Variants in MLXIP observed in about 807,000 individuals in gnomAD.
MLXIP encodes the protein MLX interacting protein.
A neutral mutation model predicts 87.2 loss-of-function variants in MLXIP; 30 were observed. The observed-to-expected ratio is 0.34, with a 90% CI of 0.26 to 0.47. The LOEUF (loss-of-function observed/expected upper bound fraction) is 0.47, where lower values mean the gene tolerates loss of function less well. Among genes scored for constraint, MLXIP ranks in the 20% least tolerant of loss-of-function variants. The probability of loss-of-function intolerance (pLI) is 1.00; values close to 1 mark genes in which losing one functional copy is unlikely to be tolerated. For missense variants in MLXIP, 1,002 were observed against 1,240.1 expected, an observed-to-expected ratio of 0.81 and a Z score of 2.88; for synonymous variants, 530 against 514.0, an observed-to-expected ratio of 1.03 and a Z score of -0.42.
At position 122,141,164 on chromosome 12, in the gene MLXIP, CAGACT is replaced by C; in HGVS notation, c.2638+82_2638+86del. On this transcript the variant is annotated intron_variant, in intron 16 of 16. Transcript: ENST00000319080. ...GCCCCAGGCTGAGGACAGTATTAGCCAGACTCCACTGCAGGCAGCCAGGTGGGGCC... is the reference window on the plus strand; with the variant it reads ...GCCCCAGGCTGAGGACAGTATTAGCCCCACTGCAGGCAGCCAGGTGGGGCC... 7 of 1,494,542 alleles carry C rather than the reference CAGACT, an allele frequency of 4.7e-6. No individual in the cohort carries two copies. The South Asian group carries it at 8.9e-5, about 19-fold the overall frequency. The allele number at this position is 1,494,542 out of a possible 1,614,324, so 92.6% of individuals were successfully genotyped here. A position where few individuals can be genotyped will look rare whatever the true frequency, so the allele number is the denominator to read the frequency against.
chr12:122,087,722 C>T (rs1201902374), intron 1 of MLXIP, among the ~76,000 whole-genome samples: 1 of 151,994 alleles, frequency 6.6e-6, no homozygotes, highest in Non-Finnish European at 1.5e-5. Flanking sequence ...CTCCACAGGG[C>T]GGCTGGGGCC....
In MLXIP at chr12:122,127,869, C is replaced by G; in HGVS notation, c.521-14C>G. The stretch of plus-strand genomic sequence containing the variant: ...CTGGATCATGGTGCTGACTCTCACC[C>G]TCTCTCTGCTCAGATCTGGAGAAGC... On this transcript the variant is annotated splice_polypyrimidine_tract_variant and intron_variant, in intron 2 of 16. Transcript: ENST00000319080. 1 of 1,612,316 alleles carries G rather than the reference C, an allele frequency of 6.2e-7. No individual in the cohort carries two copies. Among genetic ancestry groups the G allele is most frequent in the Non-Finnish European group, 8.5e-7 (1 of 1,178,494 alleles).
At chr12:122,094,389 GTGT>G (rs1335420592) in intron 1 of MLXIP, among the ~76,000 whole-genome samples, 5,009 of 142,294 alleles carry the variant, frequency 0.035, 117 homozygotes, top group Non-Finnish European at 0.052. Context: ...TGTCTGTGTG[GTGT>G]TGGTGTGTGG....
Position 122,135,603 on chromosome 12 carries a change from C to T in MLXIP, c.1969C>T (p.Leu657=). The change falls in exon 11 of 17, where the codon CTG becomes TTG. Residue 657 remains leucine (L), a synonymous_variant. Coordinates refer to ENST00000319080, the MANE Select transcript of MLXIP (RefSeq NM_014938.6). This position sits in a 1 kb window ranked among gnomAD's most constrained non-coding sequence, Gnocchi z 5.3. ...CTTCCCAAGCACAGCGCAAGACCCC[C>T]TGGGGAAGGGCGAGCAGGTCCCGCT... ...RLFPSTAQDP[L]GKGEQVPLHG... is the part of the protein sequence containing the mutation. 6.3e-7 allele frequency: 1 copy of T among 1,581,166 alleles called. No individual in the cohort carries two copies. The highest frequency in any genetic ancestry group is 2.3e-5 in the East Asian group (1 of 43,494).
At chr12:122,086,983 G>A (rs1012686416) in intron 1 of MLXIP, among the ~76,000 whole-genome samples, 1 of 152,170 alleles carries the variant, frequency 6.6e-6, no homozygotes, top group South Asian at 2.1e-4. Context: ...GCCCCTGGGA[G>A]CTTCTGGATC....
At chr12:122,095,830 A>G (rs1355483595) in intron 1 of MLXIP, among the ~76,000 whole-genome samples, 2 of 151,498 alleles carry the variant, frequency 1.3e-5, no homozygotes, top group African/African-American at 4.8e-5. Context: ...TATTTTTTGC[A>G]TGGTGAGTAT....
chr12:122,108,761 A>G lies in MLXIP; in HGVS notation c.414-18495A>G, dbSNP rs530763148. On this transcript the variant is annotated intron_variant, in intron 1 of 16. Coordinates refer to ENST00000319080, the MANE Select transcript of MLXIP (RefSeq NM_014938.6). ...ACATCAGGGACTTCGGTTTTGAGAA[A>G]TGAGTGCCCATCACTGTCTAGGCAG... is the stretch of plus-strand genomic sequence containing the variant. Among the ~76,000 whole-genome samples, 7 of 152,246 alleles carry G rather than the reference A, an allele frequency of 4.6e-5. No individual in the cohort carries two copies. In the South Asian group the frequency reaches 8.3e-4, roughly 18 times the overall value.
intron 1 of MLXIP, among the ~76,000 whole-genome samples, chr12:122,098,778 T>G (rs974000171): frequency 7.2e-5 from 11 of 152,218 alleles, no homozygotes; most frequent in Non-Finnish European, 1.6e-4. Context: ...TTGGTGTGGT[T>G]TGCGTCGCTC....
chr12:122,092,048 AT>A (rs901633019), intron 1 of MLXIP, among the ~76,000 whole-genome samples: 74 of 151,106 alleles, frequency 4.9e-4, no homozygotes, highest in South Asian at 1.3e-3. Flanking sequence ...CACAAGAAAT[AT>A]TTTTTTTCCC....
Position 122,142,299 on chromosome 12 carries a change from T to G in MLXIP, c.*487T>G, listed in dbSNP as rs1188212172. 1 of 671,630 alleles carries G rather than the reference T, an allele frequency of 1.5e-6. No individual in the cohort carries two copies. Among genetic ancestry groups the G allele is most frequent in the Middle Eastern group, 2.4e-4 (1 of 4,240 alleles). The allele number at this position is 671,630 out of a possible 1,614,324, so 41.6% of individuals were successfully genotyped here. A position where few individuals can be genotyped will look rare whatever the true frequency, so the allele number is the denominator to read the frequency against. On this transcript the variant is annotated 3_prime_UTR_variant, in exon 17 of 17. Coordinates refer to ENST00000319080, the MANE Select transcript of MLXIP (RefSeq NM_014938.6). ...CCCGTGGGGCAGTTGGAAGGCGTCT[T>G]TCTTTCTCCCCTCAACTCTGACAGC...
Position 122,079,053 on chromosome 12 carries a change from G to T in MLXIP, c.200G>T (p.Arg67Leu), listed in dbSNP as rs1424631192. ...CCGCCGCCTCGGGCCGGGCCGGGCC[G>T]CGAGGAACCTCCGCGCCGCCAGCAG... ...APPPPRAGPG[R>L]EEPPRRQQII... Residue 67 changes from arginine (R) to leucine (L), a missense_variant, in exon 1 of 17, where the codon CGC (arginine) becomes CTC (leucine). Transcript: ENST00000319080. 6.7e-6 allele frequency: 10 copies of T among 1,499,060 alleles called. No individual in the cohort carries two copies. Among genetic ancestry groups the T allele is most frequent in the Non-Finnish European group, 6.2e-6 (7 of 1,126,088 alleles). 92.9% of individuals were successfully genotyped at this position (1,499,060 alleles called of 1,614,324 possible). A position where few individuals can be genotyped will look rare whatever the true frequency, so the allele number is the denominator to read the frequency against.
At chr12:122,097,175 T>C (rs1952366075) in intron 1 of MLXIP, among the ~76,000 whole-genome samples, 1 of 152,118 alleles carries the variant, frequency 6.6e-6, no homozygotes, top group Non-Finnish European at 1.5e-5. Flanking sequence ...TATGGGTGTT[T>C]TTTTTGGGCG....
rs759805374 is a variant in MLXIP, at chr12:122,135,460, G to C, written c.1855-29G>C. On this transcript the variant is annotated intron_variant, in intron 10 of 16. Coordinates refer to ENST00000319080, the MANE Select transcript of MLXIP (RefSeq NM_014938.6). This position sits in a 1 kb window ranked among gnomAD's most constrained non-coding sequence, Gnocchi z 5.3. ...CCGCCCTGCTGTATATCAGCAGTCA[G>C]GGGTGACCTGTCTCCCATGTCACTG... The C allele has an allele frequency of 1.9e-6, 3 of 1,609,078 alleles. No homozygotes were observed. The South Asian group carries it at 3.3e-5, about 18-fold the overall frequency.
In MLXIP at chr12:122,103,692, G is replaced by C. The variant is rs538343808; in HGVS notation, c.414-23564G>C. 1.7e-4 allele frequency among the ~76,000 whole-genome samples: 23 copies of C among 135,784 alleles called. No individual in the cohort carries two copies. In the South Asian group the frequency reaches 5.2e-3, roughly 31 times the overall value. The allele number at this position is 135,784 out of a possible 152,430, so 89.1% of individuals were successfully genotyped here. A position where few individuals can be genotyped will look rare whatever the true frequency, so the allele number is the denominator to read the frequency against. ...CCACCACCACACCTGGCTAATTTTT[G>C]TATTTTTTTTTTTTTTTTAGTAGAG... On this transcript the variant is annotated intron_variant, in intron 1 of 16. Coordinates refer to ENST00000319080, the MANE Select transcript of MLXIP (RefSeq NM_014938.6).
At chr12:122,107,845 C>G (rs551249473) in intron 1 of MLXIP, among the ~76,000 whole-genome samples, 1 of 152,062 alleles carries the variant, frequency 6.6e-6, no homozygotes, top group African/African-American at 2.4e-5. Flanking sequence ...CTCCTGTGAC[C>G]AGTGGTGACA....
intron 1 of MLXIP, among the ~76,000 whole-genome samples, chr12:122,113,199 A>T (rs997760448): frequency 3.3e-5 from 5 of 152,242 alleles, no homozygotes; most frequent in Non-Finnish European, 7.3e-5. Flanking sequence ...AATGGGTTAT[A>T]AAACAAACCT....
chr12:122,129,526 T>TAG, intron 4 of MLXIP, 62 bp from the exon 5 acceptor site: 1 of 1,587,350 alleles, frequency 6.3e-7, no homozygotes, highest in Admixed American at 1.8e-5. Flanking sequence ...CTGTATATTC[T>TAG]AGAGCCCTTG....
At position 122,133,443 on chromosome 12, in the gene MLXIP, G is replaced by T; in HGVS notation, c.1188G>T (p.Glu396Asp). The change falls in exon 9 of 17, where the codon GAG becomes GAT. Residue 396 changes from glutamate to aspartate, a missense_variant. Glu to Asp is a conservative substitution (Grantham distance 45, BLOSUM62 2). Transcript: ENST00000319080. The surrounding 1 kb of genome is among the most constrained non-coding windows in gnomAD (Gnocchi z 4.9). ...CCCCATCCCTGGCTCACATGGATGA[G>T]CAGGGCTGTGAACACACCTCCCGGA... ...PTAPSLAHMD[E>D]QGCEHTSRTE... 1 of 1,613,074 alleles carries T rather than the reference G, an allele frequency of 6.2e-7. No homozygotes were observed. The highest frequency in any genetic ancestry group is 1.1e-5 in the South Asian group (1 of 91,054).
At position 122,142,520 on chromosome 12, in the gene MLXIP, A is replaced by T; in HGVS notation, c.*708A>T. 1 of 353,188 alleles carries T rather than the reference A, an allele frequency of 2.8e-6. No individual in the cohort carries two copies. The highest frequency in any genetic ancestry group is 2.1e-5 in the South Asian group (1 of 46,606). The allele number at this position is 353,188 out of a possible 1,614,324, so 21.9% of individuals were successfully genotyped here. On this transcript the variant is annotated 3_prime_UTR_variant, in exon 17 of 17. Coordinates refer to ENST00000319080, the MANE Select transcript of MLXIP (RefSeq NM_014938.6). ...TGAGAGGCCCTGCTGGGCATGTTTC[A>T]TCTGTCCCCTTTTAGCTCCACCTGA...
Sources: gnomAD v4.1 joint callset for allele counts (sites outside exome capture counted in the v4.1 genomes callset) on GRCh38, gnomAD v4.1.1 for gene constraint, Gnocchi (gnomAD v3.1) non-coding constraint, MANE v1.5 for transcripts, NCBI Gene and HGNC (gene_info 2026-07-23, HGNC 2026-07-21) for gene names.